Variants in SLC4A10 observed in about 807,000 individuals in gnomAD.
SLC4A10 encodes the protein solute carrier family 4 member 10, also known as sodium-driven chloride bicarbonate exchanger.
SLC4A10 carries 42 observed loss-of-function variants against 137.7 expected under a neutral mutation model. The observed-to-expected ratio is 0.30, with a 90% CI of 0.24 to 0.39. The LOEUF is 0.39. SLC4A10 is among the 10% of genes least tolerant of loss of function. SLC4A10 has a pLI of 1.00. For synonymous variants in SLC4A10, 474 were observed against 464.1 expected, an observed-to-expected ratio of 1.02 and a Z score of -0.27; for missense variants, 925 against 1,355.0, an observed-to-expected ratio of 0.68 and a Z score of 4.98.
intron 1 of SLC4A10, among the ~76,000 whole-genome samples, chr2:161,670,316 T>G (rs2039549464): frequency 2.0e-5 from 3 of 148,996 alleles, no homozygotes; most frequent in Non-Finnish European, 4.5e-5. Flanking sequence ...TTTTTTTCCA[T>G]CCACAGGTTT....
chr2:161,682,292 T>C (rs1210069699), intron 1 of SLC4A10, among the ~76,000 whole-genome samples: 1 of 152,212 alleles, frequency 6.6e-6, no homozygotes, highest in East Asian at 1.9e-4. Flanking sequence ...CTTGCTTGCC[T>C]GTGGAACTAT....
intron 3 of SLC4A10, among the ~76,000 whole-genome samples, chr2:161,822,337 G>A (rs557863709): frequency 6.6e-6 from 1 of 152,318 alleles, no homozygotes; most frequent in African/African-American, 2.4e-5. Flanking sequence ...CAATGTGGAA[G>A]CATGGCTGCT....
rs190307920 is a variant in SLC4A10 at position 161,722,750 on chromosome 2, C to G, written c.49-48223C>G. ...ATCCCCTTTGTCTGGTCTGCCTGCA[C>G]TCTTCAGAGCCAGCAGACAGGAAAG... On this transcript the variant is annotated intron_variant, in intron 1 of 26. Coordinates refer to ENST00000446997, the MANE Select transcript of SLC4A10 (RefSeq NM_001178015.2). Among the ~76,000 whole-genome samples the G allele has an allele frequency of 3.3e-5, 5 of 152,328 alleles. No homozygotes were observed. In the East Asian group the frequency reaches 9.7e-4, roughly 29 times the overall value.
chr2:161,659,238 G>T (rs1351465056), intron 1 of SLC4A10, among the ~76,000 whole-genome samples: 2 of 152,124 alleles, frequency 1.3e-5, no homozygotes, highest in African/African-American at 2.4e-5. Flanking sequence ...AAAGAATGAG[G>T]TCATATCTTT....
intron 1 of SLC4A10, among the ~76,000 whole-genome samples, chr2:161,750,861 A>T (rs766357648): frequency 1.3e-5 from 2 of 151,868 alleles, no homozygotes; most frequent in Non-Finnish European, 3.0e-5. Flanking sequence ...TCTTTCAGAC[A>T]TGTTAACATA....
chr2:161,967,316 C>T (rs1223340383), intron 23 of SLC4A10, among the ~76,000 whole-genome samples: 3 of 152,180 alleles, frequency 2.0e-5, no homozygotes, highest in Admixed American at 2.0e-4. Context: ...TCTTATTTCT[C>T]ATCTTGTACC....
chr2:161,650,591 A>AC (rs1338024890), intron 1 of SLC4A10, among the ~76,000 whole-genome samples: 4 of 150,134 alleles, frequency 2.7e-5, no homozygotes, highest in East Asian at 4.0e-4. Context: ...GCCTGGGAAG[A>AC]CCCCCTGCCC....
At chr2:161,766,539 T>G (rs1480718262) in intron 1 of SLC4A10, among the ~76,000 whole-genome samples, 1 of 152,126 alleles carries the variant, frequency 6.6e-6, no homozygotes, top group Admixed American at 6.6e-5. Context: ...CCTTTGAACA[T>G]GGATACATGA....
chr2:161,914,247 A>G (rs1276296000), intron 15 of SLC4A10, among the ~76,000 whole-genome samples: 1 of 152,200 alleles, frequency 6.6e-6, no homozygotes, highest in Non-Finnish European at 1.5e-5. Context: ...TCAAGTGAAG[A>G]AGTATAAATA....
At chr2:161,747,947 C>T (rs2048553263) in intron 1 of SLC4A10, among the ~76,000 whole-genome samples, 1 of 152,166 alleles carries the variant, frequency 6.6e-6, no homozygotes, top group African/African-American at 2.4e-5. Context: ...TCCACACCCT[C>T]ACCAACATTT....
chr2:161,780,612 C>A (rs1270697065), intron 2 of SLC4A10, among the ~76,000 whole-genome samples: 1 of 152,116 alleles, frequency 6.6e-6, no homozygotes, highest in African/African-American at 2.4e-5. Context: ...AGCTTTTACA[C>A]ATTTCTAATG....
At chr2:161,766,672 G>A (rs1021843431) in intron 1 of SLC4A10, among the ~76,000 whole-genome samples, 2 of 151,722 alleles carry the variant, frequency 1.3e-5, no homozygotes, top group Non-Finnish European at 2.9e-5. Context: ...CAATAACAGA[G>A]TCTTAATAGG....
At chr2:161,830,066 T>C (rs2125733216) in intron 3 of SLC4A10, among the ~76,000 whole-genome samples, 1 of 152,102 alleles carries the variant, frequency 6.6e-6, no homozygotes, top group East Asian at 1.9e-4. Context: ...CATACCAATT[T>C]CTTTCTATAG....
intron 4 of SLC4A10, among the ~76,000 whole-genome samples, chr2:161,852,009 C>T (rs1395058765): frequency 6.6e-6 from 1 of 152,158 alleles, no homozygotes; most frequent in Non-Finnish European, 1.5e-5. Flanking sequence ...GCCATCTTAG[C>T]CTTCTGAGCA....
intron 26 of SLC4A10, 58 bp downstream of exon 26, chr2:161,977,818 T>C: frequency 1.3e-6 from 2 of 1,506,158 alleles, no homozygotes; most frequent in Non-Finnish European, 1.8e-6. Context: ...TTAAATGGTG[T>C]CTTCTAGAAA....
At chr2:161,957,800 T>C (rs1279602320) in intron 20 of SLC4A10, among the ~76,000 whole-genome samples, 2 of 152,198 alleles carry the variant, frequency 1.3e-5, no homozygotes, top group Admixed American at 6.5e-5. Flanking sequence ...TAGTAATTAT[T>C]TTGTCATGTA....
At chr2:161,914,849 G>A (rs1686736418) in intron 15 of SLC4A10, among the ~76,000 whole-genome samples, 1 of 152,094 alleles carries the variant, frequency 6.6e-6, no homozygotes, top group African/African-American at 2.4e-5. Flanking sequence ...AAGATTAAAT[G>A]AAGTCATATC....
intron 2 of SLC4A10, among the ~76,000 whole-genome samples, chr2:161,794,733 C>T (rs556280439): frequency 6.6e-6 from 1 of 152,272 alleles, no homozygotes; most frequent in East Asian, 1.9e-4. Context: ...TTCTCCCTTA[C>T]CCTCCTGCCT....
rs562458129 is a variant in SLC4A10, at chr2:161,706,380, T to A, written c.49-64593T>A. 1.1e-4 allele frequency among the ~76,000 whole-genome samples: 16 copies of A among 151,788 alleles called. 1 individual carries two copies. The highest frequency in any genetic ancestry group is 3.9e-4 in the African/African-American group (16 of 41,522). ...ATGTAATAGTATAGGAGATTAGGAA[T>A]GAACCTTGCTTGATGTTTCGCTTTT... On this transcript the variant is annotated intron_variant, in intron 1 of 26. Coordinates refer to ENST00000446997, the MANE Select transcript of SLC4A10 (RefSeq NM_001178015.2).
Sources: allele counts gnomAD v4.1 joint callset (sites outside exome capture counted in the v4.1 genomes callset), GRCh38; gene constraint gnomAD v4.1.1; transcripts MANE v1.5; gene names NCBI Gene and HGNC (gene_info 2026-07-23, HGNC 2026-07-21).